RNGTT: variants seen among roughly 807,000 people sequenced by gnomAD.
RNGTT encodes the protein RNA guanylyltransferase and 5'-phosphatase, also known as mRNA-capping enzyme.
In RNGTT, 33 loss-of-function variants were observed where a neutral mutation model predicts 79.3. The observed-to-expected ratio is 0.42, with a 90% CI of 0.32 to 0.56. The LOEUF (loss-of-function observed/expected upper bound fraction) is 0.56, where lower values mean the gene tolerates loss of function less well. Among genes scored for constraint, RNGTT ranks in the 20% least tolerant of loss-of-function variants. The pLI is 0.17. For synonymous variants in RNGTT, 222 were observed against 235.9 expected (o/e 0.94, Z 0.54); for missense variants, 497 against 739.1 (o/e 0.67, Z 3.80).
At chr6:88,867,925 G>A (rs934294947) in intron 8 of RNGTT, among the ~76,000 whole-genome samples, 10 of 152,180 alleles carry the variant, frequency 6.6e-5, no homozygotes, top group Admixed American at 5.2e-4. Context: ...TGGGAAGGAT[G>A]ACTGGGAGAG....
chr6:88,758,458 A>G (rs1778095209), intron 13 of RNGTT, among the ~76,000 whole-genome samples: 1 of 152,226 alleles, frequency 6.6e-6, no homozygotes, highest in Non-Finnish European at 1.5e-5. Context: ...TGCTCCAGGT[A>G]GTTTTTGACC....
rs56124919 is a variant in RNGTT at position 88,801,822 on chromosome 6, G to GACACACACAC, written c.1270-200_1270-191dup. ...CGTAAGATTTGAATACACACACACA[G>GACACACACAC]ACACACACACACACACACACACACA... On this transcript the variant is annotated intron_variant, in intron 11 of 15. Coordinates refer to ENST00000369485, the MANE Select transcript of RNGTT (RefSeq NM_003800.5). Among the ~76,000 whole-genome samples, 39 of 123,256 alleles carry GACACACACAC rather than the reference G, an allele frequency of 3.2e-4. 1 individual carries two copies. Among genetic ancestry groups the GACACACACAC allele is most frequent in the African/African-American group, 1.0e-3 (37 of 35,980 alleles). 80.9% of individuals were successfully genotyped at this position (123,256 alleles called of 152,430 possible). A position where few individuals can be genotyped will look rare whatever the true frequency, so the allele number is the denominator to read the frequency against.
At chr6:88,635,524 G>A (rs1773067414) in intron 14 of RNGTT, among the ~76,000 whole-genome samples, 1 of 151,942 alleles carries the variant, frequency 6.6e-6, no homozygotes, top group Admixed American at 6.6e-5. Flanking sequence ...ACAGAATCTG[G>A]CATTCTTGAT....
chr6:88,894,817 G>A (rs1411333154), intron 6 of RNGTT, among the ~76,000 whole-genome samples: 2 of 152,012 alleles, frequency 1.3e-5, no homozygotes, highest in Non-Finnish European at 2.9e-5. Context: ...CAGTAATCCC[G>A]GCACTTTGGG....
intron 14 of RNGTT, among the ~76,000 whole-genome samples, chr6:88,630,680 G>A (rs565932001): frequency 4.4e-4 from 67 of 151,698 alleles, no homozygotes; most frequent in African/African-American, 1.1e-3. Flanking sequence ...TCAGCAAGTC[G>A]GTGGGGAGGG....
At chr6:88,698,290 T>TATATATGA (rs1775819660) in intron 13 of RNGTT, among the ~76,000 whole-genome samples, 3 of 127,016 alleles carry the variant, frequency 2.4e-5, no homozygotes, top group African/African-American at 1.0e-4. Context: ...TTCATATATA[T>TATATATGA]CATATATATA....
At chr6:88,789,553 C>CT (rs1562253863) in intron 12 of RNGTT, among the ~76,000 whole-genome samples, 1 of 152,228 alleles carries the variant, frequency 6.6e-6, no homozygotes, top group Non-Finnish European at 1.5e-5. Context: ...AAGCAAGACT[C>CT]TGTCTCAAAT....
Position 88,844,416 on chromosome 6 carries a change from T to C in RNGTT, c.1210A>G (p.Thr404Ala). 1.9e-6 allele frequency: 3 copies of C among 1,614,134 alleles called. No individual in the cohort carries two copies. The highest frequency in any genetic ancestry group is 1.7e-5 in the Admixed American group (1 of 60,032). The change falls in exon 11 of 16, where the codon ACA (threonine) becomes GCA (alanine). Residue 404 changes from threonine (T) to alanine (A), a missense_variant. Thr to Ala is a moderately conservative substitution (Grantham distance 58). Coordinates refer to ENST00000369485, the MANE Select transcript of RNGTT (RefSeq NM_003800.5). Reference sequence around the variant, plus strand: ...TTTCTGACGCTAAATGGTTCCTGTGTTTTGTCAATGAGCCCAGTCTTCATT... The same window carrying C: ...TTTCTGACGCTAAATGGTTCCTGTGCTTTGTCAATGAGCCCAGTCTTCATT... The part of the protein sequence containing the change: ...EKMKTGLIDK[T>A]QEPFSVRNKP...
chr6:88,776,104 A>G (rs972788300), intron 12 of RNGTT, among the ~76,000 whole-genome samples: 6 of 152,088 alleles, frequency 3.9e-5, no homozygotes, highest in African/African-American at 1.4e-4. Flanking sequence ...TCGTTTGAGG[A>G]GCCTCCATAC....
intron 14 of RNGTT, among the ~76,000 whole-genome samples, chr6:88,666,632 T>C (rs1774420645): frequency 2.6e-5 from 4 of 152,076 alleles, no homozygotes; most frequent in Non-Finnish European, 5.9e-5. Flanking sequence ...TGTGTAGAGG[T>C]GTTGGACTAA....
At chr6:88,784,877 C>T (rs1021193683) in intron 12 of RNGTT, among the ~76,000 whole-genome samples, 1 of 151,894 alleles carries the variant, frequency 6.6e-6, no homozygotes, top group Non-Finnish European at 1.5e-5. Flanking sequence ...AATATGCTAT[C>T]TTTTTAAAAA....
intron 13 of RNGTT, among the ~76,000 whole-genome samples, chr6:88,693,230 A>C (rs891389543): frequency 5.3e-5 from 8 of 152,074 alleles, no homozygotes; most frequent in African/African-American, 1.9e-4. Context: ...GCAAACCCTT[A>C]CCTAGACTGA....
intron 13 of RNGTT, among the ~76,000 whole-genome samples, chr6:88,734,886 G>A (rs181932873): frequency 1.3e-5 from 2 of 152,268 alleles, no homozygotes; most frequent in East Asian, 3.9e-4. Context: ...TAATGCAAGT[G>A]CTCTGAACAC....
intron 13 of RNGTT, among the ~76,000 whole-genome samples, chr6:88,727,297 T>C (rs1776946829): frequency 6.6e-6 from 1 of 152,234 alleles, no homozygotes; most frequent in Admixed American, 6.5e-5. Context: ...GGCATAAGAA[T>C]GTGGATTTTT....
Position 88,752,894 on chromosome 6 carries a change from T to C in RNGTT, c.1439+16880A>G, listed in dbSNP as rs575105681. ...AACACCTACTATGTACCCACAAAAA[T>C]TTTAAAAAATAAAAAAAGATTTCAT... On this transcript the variant is annotated intron_variant, in intron 13 of 15. Coordinates refer to ENST00000369485, the MANE Select transcript of RNGTT (RefSeq NM_003800.5). 4.4e-4 allele frequency among the ~76,000 whole-genome samples: 67 copies of C among 152,130 alleles called. No homozygotes were observed. In the Middle Eastern group the frequency reaches 0.024, roughly 54 times the overall value.
intron 11 of RNGTT, among the ~76,000 whole-genome samples, chr6:88,835,054 C>T (rs1395800125): frequency 6.6e-6 from 1 of 152,042 alleles, no homozygotes; most frequent in South Asian, 2.1e-4. Context: ...ATAAAGCAAA[C>T]ATTTTACTTT....
Position 88,954,320 on chromosome 6 carries a change from C to T in RNGTT, c.64+9026G>A, listed in dbSNP as rs73489976. ...ATTCTACACAACTGGAAATCAAAAGCGGGCAGGAATAGCTATTCTTATGTC... is the reference window on the plus strand; with the variant it reads ...ATTCTACACAACTGGAAATCAAAAGTGGGCAGGAATAGCTATTCTTATGTC... On this transcript the variant is annotated intron_variant, in intron 1 of 15. Transcript: ENST00000369485. 1.9e-3 allele frequency among the ~76,000 whole-genome samples: 282 copies of T among 152,102 alleles called. 1 individual carries two copies. The highest frequency in any genetic ancestry group is 6.6e-3 in the African/African-American group (274 of 41,470).
Position 88,939,919 on chromosome 6 carries a change from A to AT in RNGTT, c.174+1151dup, listed in dbSNP as rs1170857638. Among the ~76,000 whole-genome samples the AT allele has an allele frequency of 3.9e-3, 578 of 146,806 alleles. 2 individuals are homozygous for AT. The highest frequency in any genetic ancestry group is 0.013 in the African/African-American group (513 of 40,126). On this transcript the variant is annotated intron_variant, in intron 2 of 15. Coordinates refer to ENST00000369485, the MANE Select transcript of RNGTT (RefSeq NM_003800.5). ...AGGCACACACCACCATGCCCGGCTAATTTTTTTTTTTAATTTTTTGTAGAG... is the reference window on the plus strand; with the variant it reads ...AGGCACACACCACCATGCCCGGCTAATTTTTTTTTTTTAATTTTTTGTAGAG...
chr6:88,612,652 C>CA lies in RNGTT; in HGVS notation c.*66dup. 5 of 1,327,550 alleles carry CA rather than the reference C, an allele frequency of 3.8e-6. No individual in the cohort carries two copies. The highest frequency in any genetic ancestry group is 3.1e-6 in the Non-Finnish European group (3 of 969,512). The allele number at this position is 1,327,550 out of a possible 1,614,324, so 82.2% of individuals were successfully genotyped here. On this transcript the variant is annotated 3_prime_UTR_variant, in exon 16 of 16. Coordinates refer to ENST00000369485, the MANE Select transcript of RNGTT (RefSeq NM_003800.5). Reference sequence around the variant, plus strand: ...AGTCGTTTTTCAATTTCTCTGGCTACAAAAATGGGCAACAGCGTTTTTTCC... The same window carrying CA: ...AGTCGTTTTTCAATTTCTCTGGCTACAAAAAATGGGCAACAGCGTTTTTTCC...
Sources: allele counts gnomAD v4.1 joint callset (sites outside exome capture counted in the v4.1 genomes callset), GRCh38; gene constraint gnomAD v4.1.1; transcripts MANE v1.5; gene names NCBI Gene and HGNC (gene_info 2026-07-23, HGNC 2026-07-21).